Variants in PPEF1 observed in about 807,000 individuals in gnomAD.
PPEF1 encodes protein phosphatase with EF-hand domain 1.
PPEF1 carries 12 observed loss-of-function variants against 53.3 expected under a neutral mutation model. That is an observed-to-expected ratio of 0.23 (90% CI 0.14 to 0.36). PPEF1 has a LOEUF of 0.36. Ranked by LOEUF, PPEF1 falls within the 10% of genes least tolerant of loss-of-function variation. PPEF1 has a pLI of 1.00. For missense variants in PPEF1, 334 were observed against 490.4 expected (o/e 0.68, Z 3.01); for synonymous variants, 165 against 176.7 (o/e 0.93, Z 0.52).
chrX:18,701,494 C>T (rs60763068), intron 6 of PPEF1, among the ~76,000 whole-genome samples: 4,408 of 112,473 alleles, frequency 0.039, 214 homozygotes, highest in African/African-American at 0.13. Flanking sequence ...ATTATTATCA[C>T]TGTTTTCTTA....
chrX:18,753,842 G>A (rs1021115957), intron 4 of PPEF1, among the ~76,000 whole-genome samples: 13 of 111,036 alleles, frequency 1.2e-4, no homozygotes, highest in African/African-American at 3.9e-4. Flanking sequence ...TTTTAAATTC[G>A]ATGCGGTTTA....
At chrX:18,760,872 C>T (rs1437606018) in intron 5 of PPEF1, among the ~76,000 whole-genome samples, 12 of 108,396 alleles carry the variant, frequency 1.1e-4, no homozygotes, top group Middle Eastern at 4.7e-3. Flanking sequence ...CTCCACCTCC[C>T]GGGTTCAAGC....
chrX:18,747,334 T>C (rs1269348114), intron 3 of PPEF1, among the ~76,000 whole-genome samples: 1 of 111,737 alleles, frequency 8.9e-6, no homozygotes, highest in Non-Finnish European at 1.9e-5. Context: ...CTCTGAGGAT[T>C]TGGAAGGGAG....
Position 18,775,055 on chromosome X carries a change from G to T in PPEF1, c.559-3955G>T, listed in dbSNP as rs189205965. Among the ~76,000 whole-genome samples, 3 of 109,849 alleles carry T rather than the reference G, an allele frequency of 2.7e-5. No individual in the cohort carries two copies. The East Asian group carries it at 8.5e-4, about 31-fold the overall frequency. ...TATTATTGGCATATTAAGTCTCTTG[G>T]CTTTGAATGCTAGTCTCTTATTTAT... is the stretch of plus-strand genomic sequence containing the variant. On this transcript the variant is annotated intron_variant, in intron 6 of 15. Coordinates refer to ENST00000470157, the MANE Select transcript of PPEF1 (RefSeq NM_001377996.1).
intron 15 of PPEF1, among the ~76,000 whole-genome samples, chrX:18,826,541 G>C (rs1337345466): frequency 1.0e-5 from 1 of 97,248 alleles, no homozygotes; most frequent in African/African-American, 3.9e-5. Flanking sequence ...CAATTCTCCT[G>C]CCTCAGCCTC....
intron 6 of PPEF1, among the ~76,000 whole-genome samples, chrX:18,763,438 G>A (rs994477604): frequency 9.0e-6 from 1 of 111,678 alleles, no homozygotes; most frequent in African/African-American, 3.3e-5. Context: ...CCTTTGTATA[G>A]GGCACTGGCT....
rs1387880621 is a variant in PPEF1 at position 18,827,740 on chromosome X, G to T, written c.*253G>T. On this transcript the variant is annotated 3_prime_UTR_variant, in exon 16 of 16. Coordinates refer to ENST00000470157, the MANE Select transcript of PPEF1 (RefSeq NM_001377996.1). ...CATATTGCCAGTGAGAAACTGGGTT[G>T]GACCTAGTGGTGTTGTCGTGAGTGC... 3.1e-6 allele frequency: 1 copy of T among 324,649 alleles called. No homozygotes were observed. The highest frequency in any genetic ancestry group is 5.4e-6 in the Non-Finnish European group (1 of 186,266). 26.8% of individuals were successfully genotyped at this position (324,649 alleles called of 1,213,427 possible).
intron 13 of PPEF1, among the ~76,000 whole-genome samples, chrX:18,822,561 T>C: frequency 1.9e-5 from 2 of 108,107 alleles, no homozygotes; most frequent in East Asian, 5.8e-4. Context: ...CAGGCTGGAG[T>C]GCAGTGGCAC....
chrX:18,745,186 A>G (rs2045304345), intron 3 of PPEF1, among the ~76,000 whole-genome samples: 2 of 94,158 alleles, frequency 2.1e-5, no homozygotes, highest in Non-Finnish European at 4.1e-5. Flanking sequence ...ATTATATTCC[A>G]TATAATTATA....
intron 1 of PPEF1, among the ~76,000 whole-genome samples, chrX:18,720,420 C>T (rs2044560112): frequency 9.0e-6 from 1 of 110,868 alleles, no homozygotes; most frequent in East Asian, 2.8e-4. Flanking sequence ...GATGAAACCC[C>T]GTCTCTACTA....
chrX:18,808,384 CT>C (rs1478546302), intron 12 of PPEF1, among the ~76,000 whole-genome samples: 1 of 111,101 alleles, frequency 9.0e-6, no homozygotes, highest in Admixed American at 9.7e-5. Flanking sequence ...CTAACTCATT[CT>C]TTTTAGTACA....
At chrX:18,752,009 G>A (rs2045454571) in intron 4 of PPEF1, among the ~76,000 whole-genome samples, 1 of 111,798 alleles carries the variant, frequency 8.9e-6, no homozygotes, top group Admixed American at 9.5e-5. Context: ...CCCTTGCAAT[G>A]AATTTGAAGA....
At chrX:18,754,146 A>T (rs184159631) in intron 4 of PPEF1, among the ~76,000 whole-genome samples, 52 of 111,074 alleles carry the variant, frequency 4.7e-4, no homozygotes, top group Non-Finnish European at 9.4e-4. Flanking sequence ...TGGGCCATTT[A>T]CAAATGTTAG....
At chrX:18,784,178 A>T (rs1602448758) in intron 9 of PPEF1, 130 bp downstream of exon 9, 5 of 562,769 alleles carry the variant, frequency 8.9e-6, no homozygotes, top group Non-Finnish European at 1.2e-5. Context: ...ATTTTATTAG[A>T]GTATATAAAA....
rs1227258506 is a variant in PPEF1, at chrX:18,745,118, ATATATATTATATAATTATATTATATATAT to A, written c.236-4662_236-4634del. On this transcript the variant is annotated intron_variant, in intron 3 of 15. Transcript: ENST00000470157. ...ATATTATATATTATATAATTATATT[ATATATATTATATAATTATATTATATATAT>A]TATATATTATAATATAATTATATAT... 3.2e-3 allele frequency among the ~76,000 whole-genome samples: 309 copies of A among 95,553 alleles called. 3 individuals are homozygous for A. The highest frequency in any genetic ancestry group is 0.011 in the African/African-American group (283 of 26,031). The allele number at this position is 95,553 out of a possible 115,157, so 83.0% of individuals were successfully genotyped here. A position where few individuals can be genotyped will look rare whatever the true frequency, so the allele number is the denominator to read the frequency against.
intron 3 of PPEF1, among the ~76,000 whole-genome samples, chrX:18,688,093 A>G (rs1420068258): frequency 8.9e-6 from 1 of 112,508 alleles, no homozygotes; most frequent in East Asian, 2.8e-4. Flanking sequence ...TCAAAATTAT[A>G]AAAACTTACT....
intron 1 of PPEF1, among the ~76,000 whole-genome samples, chrX:18,727,917 C>T (rs2044745004): frequency 8.9e-6 from 1 of 112,043 alleles, no homozygotes; most frequent in Non-Finnish European, 1.9e-5. Context: ...CTCCCAGAAC[C>T]TCCACTGTTT....
intron 5 of PPEF1, among the ~76,000 whole-genome samples, chrX:18,698,125 T>C (rs1201852353): frequency 8.9e-6 from 1 of 111,850 alleles, no homozygotes; most frequent in African/African-American, 3.3e-5. Context: ...TTAACATATG[T>C]AAAATTTAAA....
At chrX:18,745,154 TTATAA>T (rs1168631050) in intron 3 of PPEF1, among the ~76,000 whole-genome samples, 5 of 95,745 alleles carry the variant, frequency 5.2e-5, no homozygotes, top group Middle Eastern at 4.5e-3. Flanking sequence ...ATATTATATA[TTATAA>T]TATAATTATA....
Sources: gnomAD v4.1 joint callset for allele counts (sites outside exome capture counted in the v4.1 genomes callset) on GRCh38, gnomAD v4.1.1 for gene constraint, MANE v1.5 for transcripts, NCBI Gene and HGNC (gene_info 2026-07-23, HGNC 2026-07-21) for gene names.